The following FRMD4B variants were observed in gnomAD, a reference collection of about 807,000 sequenced individuals.
FRMD4B encodes the protein FERM domain-containing protein 4B.
A neutral mutation model predicts 141.5 loss-of-function variants in FRMD4B; 74 were observed. The ratio of observed to expected loss-of-function variants is 0.52; its 90% CI spans 0.43 to 0.63. The LOEUF is 0.63. Ranked by LOEUF, FRMD4B falls within the 30% of genes least tolerant of loss-of-function variation. FRMD4B has a pLI of 0.00. For missense variants in FRMD4B, 1,366 were observed against 1,253.4 expected, an observed-to-expected ratio of 1.09 and a Z score of -1.36; for synonymous variants, 506 against 467.9, an observed-to-expected ratio of 1.08 and a Z score of -1.05.
intron 5 of FRMD4B, among the ~76,000 whole-genome samples, chr3:69,281,093 G>C (rs938897486): frequency 1.5e-4 from 23 of 152,020 alleles, no homozygotes; most frequent in Admixed American, 1.3e-3. Context: ...ACTATGCCCG[G>C]CTAATGTTTT....
intron 22 of FRMD4B, among the ~76,000 whole-genome samples, chr3:69,174,533 T>G (rs1264426797): frequency 6.6e-6 from 1 of 152,156 alleles, no homozygotes; most frequent in Admixed American, 6.5e-5. Flanking sequence ...TATTATAAAT[T>G]TTCTACCATG....
At chr3:69,490,159 C>T (rs1706279476) in intron 1 of FRMD4B, among the ~76,000 whole-genome samples, 1 of 151,940 alleles carries the variant, frequency 6.6e-6, no homozygotes, top group African/African-American at 2.4e-5. Context: ...TGCTGGTTGC[C>T]CTAATATGAT....
chr3:69,502,569 C>G (rs1706516356), intron 1 of FRMD4B, among the ~76,000 whole-genome samples: 1 of 152,076 alleles, frequency 6.6e-6, no homozygotes. Context: ...GAACTAAAAC[C>G]ATAAAAACCC....
chr3:69,321,311 G>A (rs1701987548), intron 1 of FRMD4B, among the ~76,000 whole-genome samples: 1 of 152,156 alleles, frequency 6.6e-6, no homozygotes, highest in Non-Finnish European at 1.5e-5. Context: ...TTGTTCTTTG[G>A]AACAGAAACA....
At chr3:69,474,302 G>C (rs1365198252) in intron 1 of FRMD4B, among the ~76,000 whole-genome samples, 2 of 152,272 alleles carry the variant, frequency 1.3e-5, no homozygotes, top group East Asian at 3.9e-4. Flanking sequence ...ATACAATTCT[G>C]GTAGAGTAGG....
Position 69,292,436 on chromosome 3 carries a change from C to T in FRMD4B, c.417-4600G>A, listed in dbSNP as rs149590135. On this transcript the variant is annotated intron_variant, in intron 4 of 22. Transcript: ENST00000398540. Reference sequence around the variant, plus strand: ...AGCTTGGCACCAAATCAATTTGTAGCGCATCCAACTTTGAACAGATACCTT... The same window carrying T: ...AGCTTGGCACCAAATCAATTTGTAGTGCATCCAACTTTGAACAGATACCTT... Among the ~76,000 whole-genome samples the T allele has an allele frequency of 3.6e-3, 548 of 152,314 alleles. 4 individuals carry two copies. Among genetic ancestry groups the T allele is most frequent in the African/African-American group, 0.011 (470 of 41,564 alleles).
chr3:69,269,053 C>T (rs933357346), intron 5 of FRMD4B, among the ~76,000 whole-genome samples: 3 of 151,306 alleles, frequency 2.0e-5, no homozygotes, highest in African/African-American at 7.3e-5. Context: ...CTTAGCCTCA[C>T]GAGTAGCTGG....
chr3:69,223,078 C>T lies in FRMD4B; in HGVS notation c.666-1155G>A, dbSNP rs571324355. 2.6e-4 allele frequency among the ~76,000 whole-genome samples: 40 copies of T among 152,326 alleles called. No homozygotes were observed. In the South Asian group the frequency reaches 6.0e-3, roughly 23 times the overall value. On this transcript the variant is annotated intron_variant, in intron 8 of 22. Coordinates refer to ENST00000398540, the MANE Select transcript of FRMD4B (RefSeq NM_015123.3). The stretch of plus-strand genomic sequence containing the variant: ...ATACTCTACTATCACCATTTACAGA[C>T]ATGTTGCTTTAGGAGAAAACCCTTT...
chr3:69,484,983 C>A (rs73835872), intron 1 of FRMD4B, among the ~76,000 whole-genome samples: 3 of 152,098 alleles, frequency 2.0e-5, no homozygotes, highest in South Asian at 2.1e-4. Flanking sequence ...TTCTCTGGGC[C>A]CCCCCACCTT....
intron 1 of FRMD4B, among the ~76,000 whole-genome samples, chr3:69,527,398 G>A (rs540025094): frequency 7.9e-5 from 12 of 152,202 alleles, no homozygotes; most frequent in South Asian, 2.1e-4. Context: ...TGGAGGTCCC[G>A]AAAAGGAGGA....
intron 10 of FRMD4B, among the ~76,000 whole-genome samples, chr3:69,216,822 T>A (rs1426755597): frequency 2.6e-5 from 4 of 152,156 alleles, no homozygotes; most frequent in African/African-American, 4.8e-5. Flanking sequence ...AAACACCTAC[T>A]TGGAGTTTCT....
At chr3:69,530,154 TACAGGCCATA>T (rs1402764641) in intron 1 of FRMD4B, among the ~76,000 whole-genome samples, 1 of 152,232 alleles carries the variant, frequency 6.6e-6, no homozygotes, top group African/African-American at 2.4e-5. Flanking sequence ...GGAGGTGCAA[TACAGGCCATA>T]GGGCCCACAA....
intron 7 of FRMD4B, among the ~76,000 whole-genome samples, chr3:69,246,437 A>G (rs1359491422): frequency 6.6e-6 from 1 of 152,208 alleles, no homozygotes; most frequent in East Asian, 1.9e-4. Flanking sequence ...CCTGGGTGAG[A>G]GAACAATGCT....
At chr3:69,379,078 A>G (rs1704047455) in intron 1 of FRMD4B, among the ~76,000 whole-genome samples, 1 of 152,250 alleles carries the variant, frequency 6.6e-6, no homozygotes, top group South Asian at 2.1e-4. Flanking sequence ...AAGGCAAGAC[A>G]AAAGTCTATT....
chr3:69,230,996 C>T (rs1414094554), intron 7 of FRMD4B, among the ~76,000 whole-genome samples: 1 of 152,174 alleles, frequency 6.6e-6, no homozygotes, highest in Non-Finnish European at 1.5e-5. Flanking sequence ...AAACTAGAAA[C>T]AATCACACAT....
intron 5 of FRMD4B, among the ~76,000 whole-genome samples, chr3:69,265,051 C>T (rs1156874107): frequency 2.7e-5 from 4 of 149,260 alleles, no homozygotes; most frequent in African/African-American, 9.9e-5. Flanking sequence ...GTCAGGAGAT[C>T]GAGACCATCC....
chr3:69,485,240 A>G (rs1447680255), intron 1 of FRMD4B, among the ~76,000 whole-genome samples: 1 of 152,120 alleles, frequency 6.6e-6, no homozygotes, highest in African/African-American at 2.4e-5. Flanking sequence ...CCACTCAGAG[A>G]TTGGAGTGGG....
intron 4 of FRMD4B, among the ~76,000 whole-genome samples, chr3:69,300,342 A>G (rs555150492): frequency 6.6e-6 from 1 of 152,350 alleles, no homozygotes; most frequent in African/African-American, 2.4e-5. Flanking sequence ...TAAAAACTTG[A>G]TAAGGGTTTA....
chr3:69,479,915 C>G (rs1341888816), intron 1 of FRMD4B, among the ~76,000 whole-genome samples: 1 of 152,096 alleles, frequency 6.6e-6, no homozygotes, highest in Non-Finnish European at 1.5e-5. Flanking sequence ...TCTTTTTATT[C>G]TTTTTTCTCT....
Sources: allele counts gnomAD v4.1 joint callset (sites outside exome capture counted in the v4.1 genomes callset), GRCh38; gene constraint gnomAD v4.1.1; transcripts MANE v1.5; gene names NCBI Gene and HGNC (gene_info 2026-07-23, HGNC 2026-07-21).